Variants in SP3 observed in about 807,000 individuals in gnomAD.
SP3 encodes Sp3 transcription factor.
SP3 carries 10 observed loss-of-function variants against 70.3 expected under a neutral mutation model. The observed-to-expected ratio is 0.14, with a 90% CI of 0.09 to 0.24. The LOEUF (loss-of-function observed/expected upper bound fraction) is 0.24. Among genes scored for constraint, SP3 ranks in the 10% least tolerant of loss-of-function variants. The probability of loss-of-function intolerance (pLI) is 1.00; values close to 1 mark genes in which losing one functional copy is unlikely to be tolerated. For synonymous variants in SP3, 402 were observed against 333.5 expected (o/e 1.21, Z -2.24); for missense variants, 825 against 914.6 (o/e 0.90, Z 1.26).
chr2:173,922,742 AT>A (rs1271860092), intron 4 of SP3, among the ~76,000 whole-genome samples: 1 of 152,186 alleles, frequency 6.6e-6, no homozygotes, highest in East Asian at 1.9e-4. Context: ...CTAAGAAATG[AT>A]CCTTGGATAT....
At chr2:173,924,427 T>C (rs1002659728) in intron 4 of SP3, among the ~76,000 whole-genome samples, 6 of 152,236 alleles carry the variant, frequency 3.9e-5, no homozygotes, top group African/African-American at 1.4e-4. Flanking sequence ...CTTCACCTTA[T>C]TAAATCTGAA....
intron 4 of SP3, among the ~76,000 whole-genome samples, chr2:173,937,034 G>T (rs1413328598): frequency 6.6e-6 from 1 of 152,038 alleles, no homozygotes; most frequent in East Asian, 1.9e-4. Flanking sequence ...ACTACTCCAT[G>T]TATCTATCTT....
Position 173,901,173 on chromosome 2 carries a change from T to G in SP3, c.*8768A>C, listed in dbSNP as rs1689182586. On this transcript the variant is annotated 3_prime_UTR_variant, in exon 7 of 7. Coordinates refer to ENST00000310015, the MANE Select transcript of SP3 (RefSeq NM_003111.5). Reference sequence around the variant, plus strand: ...ATGGACTTTATGCCATAAACAAAAGTAATTTCAAAGTGAATTAACAAGATA... The same window carrying G: ...ATGGACTTTATGCCATAAACAAAAGGAATTTCAAAGTGAATTAACAAGATA... Among the ~76,000 whole-genome samples, 1 of 141,888 alleles carries G rather than the reference T, an allele frequency of 7.0e-6. No individual in the cohort carries two copies. Among genetic ancestry groups the G allele is most frequent in the Non-Finnish European group, 1.6e-5 (1 of 64,346 alleles). The allele number at this position is 141,888 out of a possible 152,430, so 93.1% of individuals were successfully genotyped here.
rs1033424780 is a variant in SP3, at chr2:173,913,812, G to C, written c.1833-546C>G. On this transcript the variant is annotated intron_variant, in intron 5 of 6. Coordinates refer to ENST00000310015, the MANE Select transcript of SP3 (RefSeq NM_003111.5). ...CACACTCTGAATATACACTGACTTGGAGAAAGCTTTTTTTTAAATCTAGTT... is the reference window on the plus strand; with the variant it reads ...CACACTCTGAATATACACTGACTTGCAGAAAGCTTTTTTTTAAATCTAGTT... 7.2e-5 allele frequency: 11 copies of C among 152,234 alleles called. No homozygotes were observed. In the East Asian group the frequency reaches 2.1e-3, roughly 29 times the overall value. The allele number at this position is 152,234 out of a possible 1,614,324, so 9.4% of individuals were successfully genotyped here. A position where few individuals can be genotyped will look rare whatever the true frequency, so the allele number is the denominator to read the frequency against.
chr2:173,948,193 G>C (rs1478232261), intron 4 of SP3, among the ~76,000 whole-genome samples: 1 of 152,100 alleles, frequency 6.6e-6, no homozygotes, highest in Non-Finnish European at 1.5e-5. Flanking sequence ...TAAATACTTA[G>C]CAAGTATAGG....
At chr2:173,912,739 A>G (rs890876836) in intron 6 of SP3, among the ~76,000 whole-genome samples, 3 of 152,336 alleles carry the variant, frequency 2.0e-5, no homozygotes, top group African/African-American at 7.2e-5. Flanking sequence ...GGAAAGAAAA[A>G]AAATAGGATA....
chr2:173,943,793 A>C (rs1690448691), intron 4 of SP3, among the ~76,000 whole-genome samples: 1 of 152,208 alleles, frequency 6.6e-6, no homozygotes, highest in African/African-American at 2.4e-5. Context: ...TTTGTCACTT[A>C]ATGACTGGGA....
At chr2:173,965,500 G>A, upstream of SP3, 1 of 314,582 alleles carries the variant, frequency 3.2e-6, no homozygotes, top group Non-Finnish European at 5.9e-6. Context: ...GTTTGCCCCC[G>A]GGTGGAAGGG....
In SP3 at chr2:173,909,971, G is replaced by A; in HGVS notation, c.2316C>T (p.Val772=). Residue 772 remains valine, a synonymous_variant, in exon 7 of 7, where the codon GTC becomes GTT. Coordinates refer to ENST00000310015, the MANE Select transcript of SP3 (RefSeq NM_003111.5). ...CCATTGTCTCATTTCCAGAAACTGT[G>A]ACAAGCTGTAAAGGTATTTCAGTGT... ...LTNTEIPLQL[V]TVSGNETME is the part of the protein sequence containing the mutation. 1 of 1,613,782 alleles carries A rather than the reference G, an allele frequency of 6.2e-7. No homozygotes were observed. Among genetic ancestry groups the A allele is most frequent in the African/African-American group, 1.3e-5 (1 of 75,030 alleles).
At chr2:173,937,933 TA>T (rs887256725) in intron 4 of SP3, among the ~76,000 whole-genome samples, 1 of 152,204 alleles carries the variant, frequency 6.6e-6, no homozygotes, top group Non-Finnish European at 1.5e-5. Context: ...ATGTTATTCT[TA>T]GAATAAAAAT....
At chr2:173,911,620 T>C (rs1024046775) in intron 6 of SP3, among the ~76,000 whole-genome samples, 1 of 152,190 alleles carries the variant, frequency 6.6e-6, no homozygotes, top group Admixed American at 6.5e-5. Context: ...CCTACACTTA[T>C]TTGATCATTG....
intron 5 of SP3, chr2:173,914,553 A>C (rs1457538135): frequency 6.6e-6 from 1 of 152,280 alleles, no homozygotes; most frequent in African/African-American, 2.4e-5. Context: ...GGGAGACATC[A>C]ATGTGGGCTC....
In SP3 at chr2:173,909,983, A is replaced by G. The variant is rs13392217; in HGVS notation, c.2304T>C (p.Pro768=). The G allele has an allele frequency of 1.2e-6, 2 of 1,613,968 alleles. No individual in the cohort carries two copies. The highest frequency in any genetic ancestry group is 1.7e-6 in the Non-Finnish European group (2 of 1,179,832). ...NQDILTNTEI[P]LQLVTVSGNE... ...TTCCAGAAACTGTGACAAGCTGTAAAGGTATTTCAGTGTTGGTAAGGATAT... is the reference window on the plus strand; with the variant it reads ...TTCCAGAAACTGTGACAAGCTGTAAGGGTATTTCAGTGTTGGTAAGGATAT... The change falls in exon 7 of 7, where the codon CCT becomes CCC. Residue 768 remains proline (P), a synonymous_variant. Transcript: ENST00000310015.
intron 4 of SP3, among the ~76,000 whole-genome samples, chr2:173,948,646 TAA>T (rs1690618568): frequency 6.6e-6 from 1 of 152,194 alleles, no homozygotes; most frequent in African/African-American, 2.4e-5. Context: ...GTCTTATTCC[TAA>T]GAGATAAGAG....
At position 173,955,544 on chromosome 2, in the gene SP3, G is replaced by C. The variant is rs149998058; in HGVS notation, c.968C>G (p.Thr323Ser). The change falls in exon 4 of 7, where the codon ACT becomes AGT. Residue 323 changes from threonine (T) to serine (S), a missense_variant. Thr to Ser is a moderately conservative substitution (Grantham distance 58, BLOSUM62 1). Coordinates refer to ENST00000310015, the MANE Select transcript of SP3 (RefSeq NM_003111.5). ...CACAAATAAATCTGTATCAGTATTA[G>C]TTTCATTAATATCAGGAGAAACCCG... is the stretch of plus-strand genomic sequence containing the variant. ...GERVSPDINE[T>S]NTDTDLFVPT... 1,214 of 1,614,068 alleles carry C rather than the reference G, an allele frequency of 7.5e-4. 5 individuals are homozygous for C. Among genetic ancestry groups the C allele is most frequent in the Middle Eastern group, 6.6e-4 (4 of 6,062 alleles).
chr2:173,960,030 C>T (rs1441130911), intron 3 of SP3, among the ~76,000 whole-genome samples: 1 of 152,002 alleles, frequency 6.6e-6, no homozygotes, highest in East Asian at 1.9e-4. Context: ...ATTAGCCAGG[C>T]GTGGTGGCAC....
At position 173,901,846 on chromosome 2, in the gene SP3, C is replaced by A. The variant is rs1000422968; in HGVS notation, c.*8095G>T. 6.6e-6 allele frequency among the ~76,000 whole-genome samples: 1 copy of A among 152,038 alleles called. No homozygotes were observed. The highest frequency in any genetic ancestry group is 1.9e-4 in the East Asian group (1 of 5,180). ...CCTCCCGAGTAGCTGGGATTGCAGG[C>A]ATGCGCCACCACCCCCAGCTAATTT... is the stretch of plus-strand genomic sequence containing the variant. On this transcript the variant is annotated 3_prime_UTR_variant, in exon 7 of 7. Transcript: ENST00000310015.
intron 3 of SP3, among the ~76,000 whole-genome samples, chr2:173,956,581 T>C (rs559305450): frequency 3.0e-4 from 46 of 152,336 alleles, no homozygotes; most frequent in African/African-American, 6.7e-4. Context: ...GTGCATTATA[T>C]TTGTGTATAA....
At chr2:173,944,377 T>A (rs1460737552) in intron 4 of SP3, among the ~76,000 whole-genome samples, 3 of 151,802 alleles carry the variant, frequency 2.0e-5, no homozygotes, top group African/African-American at 7.3e-5. Context: ...CTAGAAAAAA[T>A]ACACAAGATT....
Sources: allele counts gnomAD v4.1 joint callset (sites outside exome capture counted in the v4.1 genomes callset), GRCh38; gene constraint gnomAD v4.1.1; transcripts MANE v1.5; gene names NCBI Gene and HGNC (gene_info 2026-07-23, HGNC 2026-07-21).